The following NCALD variants were observed in gnomAD, a reference collection of about 807,000 sequenced individuals.
The protein encoded by NCALD is neurocalcin delta.
Under a neutral mutation model 18.6 loss-of-function variants are expected in NCALD, and 10 were observed. The ratio of observed to expected loss-of-function variants is 0.54; its 90% CI spans 0.33 to 0.91. The LOEUF (loss-of-function observed/expected upper bound fraction) is 0.91. Ranked by LOEUF, NCALD falls within the 40% of genes least tolerant of loss-of-function variation. The probability of loss-of-function intolerance (pLI) is 0.03; values close to 1 mark genes in which losing one functional copy is unlikely to be tolerated. For synonymous variants in NCALD, 88 were observed against 87.4 expected, an observed-to-expected ratio of 1.01 and a Z score of -0.04; for missense variants, 184 against 247.6, an observed-to-expected ratio of 0.74 and a Z score of 1.72.
At chr8:101,999,323 G>A (rs1821357965) in intron 2 of NCALD, among the ~76,000 whole-genome samples, 1 of 152,070 alleles carries the variant, frequency 6.6e-6, no homozygotes, top group South Asian at 2.1e-4. Flanking sequence ...TACATACCAT[G>A]GAATACTACC....
chr8:101,689,225 T>C lies in NCALD; in HGVS notation c.*84A>G. On this transcript the variant is annotated 3_prime_UTR_variant, in exon 4 of 4. Transcript: ENST00000220931. This position sits in a 1 kb window ranked among gnomAD's most constrained non-coding sequence, Gnocchi z 4.4. ...GGACGGCATCACCATTGATATTGTT[T>C]GGCAAAAAAAAAAAAAAATTGTTAA... 1.6e-6 allele frequency: 2 copies of C among 1,237,046 alleles called. No homozygotes were observed. Among genetic ancestry groups the C allele is most frequent in the Non-Finnish European group, 2.3e-6 (2 of 871,398 alleles). The allele number at this position is 1,237,046 out of a possible 1,614,324, so 76.6% of individuals were successfully genotyped here. A position where few individuals can be genotyped will look rare whatever the true frequency, so the allele number is the denominator to read the frequency against.
chr8:101,851,592 G>T (rs992462965), intron 4 of NCALD, among the ~76,000 whole-genome samples: 14 of 151,996 alleles, frequency 9.2e-5, no homozygotes, highest in African/African-American at 3.4e-4. Flanking sequence ...CTCTGTCTTG[G>T]ATTTGCCCCC....
chr8:101,802,636 G>A (rs959626469), intron 4 of NCALD, among the ~76,000 whole-genome samples: 1 of 151,864 alleles, frequency 6.6e-6, no homozygotes, highest in Non-Finnish European at 1.5e-5. Context: ...GTAGCCTGGA[G>A]AGAAGATCAA....
chr8:101,864,546 C>G (rs2131378493), intron 4 of NCALD, among the ~76,000 whole-genome samples: 1 of 151,824 alleles, frequency 6.6e-6, no homozygotes, highest in East Asian at 1.9e-4. Context: ...ACAAGAAAAG[C>G]CATATTTTAT....
rs1365257120 is a variant in NCALD at position 101,689,169 on chromosome 8, T to C, written c.*140A>G. 7.7e-6 allele frequency: 6 copies of C among 783,296 alleles called. No individual in the cohort carries two copies. The highest frequency in any genetic ancestry group is 4.0e-5 in the Admixed American group (2 of 49,970). The allele number at this position is 783,296 out of a possible 1,614,324, so 48.5% of individuals were successfully genotyped here. A position where few individuals can be genotyped will look rare whatever the true frequency, so the allele number is the denominator to read the frequency against. On this transcript the variant is annotated 3_prime_UTR_variant, in exon 4 of 4. Coordinates refer to ENST00000220931, the MANE Select transcript of NCALD (RefSeq NM_032041.3). The surrounding 1 kb of genome is among the most constrained non-coding windows in gnomAD (Gnocchi z 4.4). Reference sequence around the variant, plus strand: ...TCCACGACAAAAGAAGCTGAAGGCGTCACGGAGGAAGGCGCATCAGACCGC... The same window carrying C: ...TCCACGACAAAAGAAGCTGAAGGCGCCACGGAGGAAGGCGCATCAGACCGC...
At chr8:101,715,082 C>A (rs914354928) in intron 2 of NCALD, among the ~76,000 whole-genome samples, 1 of 151,630 alleles carries the variant, frequency 6.6e-6, no homozygotes, top group Non-Finnish European at 1.5e-5. Context: ...GTAACCAAAA[C>A]GGCATGGTAC....
chr8:101,855,452 A>G (rs138567934), intron 4 of NCALD, among the ~76,000 whole-genome samples: 12 of 152,312 alleles, frequency 7.9e-5, no homozygotes, highest in African/African-American at 1.7e-4. Context: ...ATTTGTACCC[A>G]TAGAGGATTT....
intron 1 of NCALD, among the ~76,000 whole-genome samples, chr8:102,069,736 T>C (rs183483989): frequency 1.7e-4 from 26 of 152,372 alleles, no homozygotes; most frequent in African/African-American, 4.3e-4. Context: ...TTTCTTGACA[T>C]GGACACATAC....
chr8:101,690,557 C>T (rs1052259612), intron 3 of NCALD: 1 of 985,278 alleles, frequency 1.0e-6, no homozygotes, highest in African/African-American at 1.7e-5. Context: ...TTACTCCAAA[C>T]CTGACAGGAG....
At chr8:101,874,402 G>T (rs1039376684) in intron 4 of NCALD, among the ~76,000 whole-genome samples, 1 of 152,108 alleles carries the variant, frequency 6.6e-6, no homozygotes. Context: ...ACGATAATAG[G>T]ATCCACACTG....
chr8:102,123,307 G>C (rs1040173298), intron 1 of NCALD, among the ~76,000 whole-genome samples: 1 of 152,060 alleles, frequency 6.6e-6, no homozygotes, highest in African/African-American at 2.4e-5. Context: ...ACCTTCTTGC[G>C]GGGCTAGCGT....
chr8:102,022,131 C>A (rs988681989), intron 1 of NCALD, among the ~76,000 whole-genome samples: 1 of 152,054 alleles, frequency 6.6e-6, no homozygotes, highest in Non-Finnish European at 1.5e-5. Context: ...CTCCCATTGG[C>A]CAAATCCAAA....
At chr8:101,910,391 C>G (rs568419164) in intron 3 of NCALD, among the ~76,000 whole-genome samples, 1 of 138,690 alleles carries the variant, frequency 7.2e-6, no homozygotes, top group African/African-American at 3.0e-5. Flanking sequence ...AAAAGGAGAG[C>G]TCAGAATGAG....
intron 4 of NCALD, among the ~76,000 whole-genome samples, chr8:101,849,894 T>C (rs1815022198): frequency 1.3e-5 from 2 of 152,216 alleles, no homozygotes; most frequent in South Asian, 4.1e-4. Flanking sequence ...GGCCCTTCCC[T>C]GTGTTTCCCC....
chr8:101,940,703 G>A (rs1299721986), intron 2 of NCALD, among the ~76,000 whole-genome samples: 2 of 152,116 alleles, frequency 1.3e-5, no homozygotes, highest in Non-Finnish European at 2.9e-5. Flanking sequence ...CTCTAGGTTT[G>A]GACAAAAGAC....
At chr8:101,880,320 G>A (rs768335984) in intron 4 of NCALD, among the ~76,000 whole-genome samples, 6 of 152,244 alleles carry the variant, frequency 3.9e-5, no homozygotes, top group African/African-American at 7.2e-5. Flanking sequence ...CCGAGCCCAC[G>A]CCCACCCAGA....
At chr8:101,939,700 T>C (rs995109682) in intron 2 of NCALD, among the ~76,000 whole-genome samples, 1 of 152,222 alleles carries the variant, frequency 6.6e-6, no homozygotes, top group African/African-American at 2.4e-5. Context: ...TTGAATTCAG[T>C]GTACTGATCA....
chr8:101,797,814 CA>C (rs1182879392), intron 4 of NCALD, among the ~76,000 whole-genome samples: 95 of 128,224 alleles, frequency 7.4e-4, no homozygotes, highest in South Asian at 1.8e-3. Context: ...GACTCCATCT[CA>C]AAAAAAAAAA....
At chr8:101,968,473 C>G (rs1311106479) in intron 2 of NCALD, among the ~76,000 whole-genome samples, 1 of 152,154 alleles carries the variant, frequency 6.6e-6, no homozygotes, top group Non-Finnish European at 1.5e-5. Context: ...AACAAAAACT[C>G]ATAAACTCAT....
Sources: allele counts gnomAD v4.1 joint callset (sites outside exome capture counted in the v4.1 genomes callset), GRCh38; gene constraint gnomAD v4.1.1; non-coding constraint Gnocchi (gnomAD v3.1); transcripts MANE v1.5; gene names NCBI Gene and HGNC (gene_info 2026-07-23, HGNC 2026-07-21).